Variants in AFF3 observed in about 807,000 individuals in gnomAD.
AFF3 encodes AF4/FMR2 family member 3.
AFF3 carries 32 observed loss-of-function variants against 129.7 expected under a neutral mutation model. The observed-to-expected ratio is 0.25, with a 90% CI of 0.19 to 0.33. AFF3 has a LOEUF of 0.33. AFF3 is among the 10% of genes least tolerant of loss of function. The probability of loss-of-function intolerance (pLI) is 1.00; values close to 1 mark genes in which losing one functional copy is unlikely to be tolerated. For missense variants in AFF3, 1,373 were observed against 1,592.0 expected (o/e 0.86, Z 2.34); for synonymous variants, 644 against 635.4 (o/e 1.01, Z -0.20).
chr2:99,587,777 C>T (rs182187218), intron 15 of AFF3, among the ~76,000 whole-genome samples: 2 of 151,962 alleles, frequency 1.3e-5, no homozygotes, highest in East Asian at 1.9e-4. Flanking sequence ...TTTGGGAGGC[C>T]GAGGCAGGCG....
intron 7 of AFF3, among the ~76,000 whole-genome samples, chr2:99,958,148 T>C (rs1011234712): frequency 2.0e-5 from 3 of 151,832 alleles, no homozygotes; most frequent in Non-Finnish European, 4.4e-5. Flanking sequence ...TGGGAAACCA[T>C]AGATGCAAAG....
At chr2:99,609,324 C>T (rs11895607) in intron 13 of AFF3, among the ~76,000 whole-genome samples, 4,668 of 151,940 alleles carry the variant, frequency 0.031, 219 homozygotes, top group African/African-American at 0.11. Flanking sequence ...TTTTGGTGCA[C>T]CCATCACCCT....
Position 99,966,065 on chromosome 2 carries a change from G to A in AFF3, c.873+40567C>T, listed in dbSNP as rs112756940. Among the ~76,000 whole-genome samples the A allele has an allele frequency of 9.6e-3, 1,462 of 152,164 alleles. 17 individuals carry two copies. The highest frequency in any genetic ancestry group is 0.015 in the Non-Finnish European group (1,041 of 68,006). Reference sequence around the variant, plus strand: ...TATTAAAATTATTACAATAGACAATGAAATTATTTTCTTCCAATACCAGAT... The same window carrying A: ...TATTAAAATTATTACAATAGACAATAAAATTATTTTCTTCCAATACCAGAT... On this transcript the variant is annotated intron_variant, in intron 7 of 24. Coordinates refer to ENST00000672756, the MANE Select transcript of AFF3 (RefSeq NM_001386135.1).
chr2:99,585,603 T>C lies in AFF3; in HGVS notation c.2591+1551A>G, dbSNP rs144080670. Among the ~76,000 whole-genome samples, 1,056 of 152,348 alleles carry C rather than the reference T, an allele frequency of 6.9e-3. 18 individuals carry two copies. The highest frequency in any genetic ancestry group is 0.024 in the African/African-American group (986 of 41,576). ...TGACCTCTTCATTTTCACTAACCTC[T>C]CACTGTAACAGAACATTTCCTTCAA... On this transcript the variant is annotated intron_variant, in intron 16 of 24. Transcript: ENST00000672756.
At chr2:100,083,608 G>C (rs1689192890) in intron 4 of AFF3, among the ~76,000 whole-genome samples, 1 of 152,204 alleles carries the variant, frequency 6.6e-6, no homozygotes, top group Non-Finnish European at 1.5e-5. Flanking sequence ...GCTCATAATG[G>C]AAAACGGCTG....
intron 7 of AFF3, among the ~76,000 whole-genome samples, chr2:99,966,078 T>G (rs1172511524): frequency 1.3e-5 from 2 of 152,228 alleles, no homozygotes; most frequent in Non-Finnish European, 2.9e-5. Flanking sequence ...ATTATTTTCT[T>G]CCAATACCAG....
At chr2:100,106,446 A>G (rs1866033) in intron 2 of AFF3, 322,409 of 1,017,678 alleles carry the variant, frequency 0.32, 52,089 homozygotes, top group African/African-American at 0.39. Flanking sequence ...GAAAAAAAAG[A>G]AAAAGAAAAT....
In AFF3 at chr2:99,593,995, C is replaced by G. The variant is rs771477461; in HGVS notation, c.1666G>C (p.Val556Leu). The part of the protein sequence containing the change: ...KQKSPPAAVA[V>L]AVSAAAPPPA... ...GGCGGGGCGGCTGCGCTCACCGCCA[C>G]GGCCACGGCCGCGGGCGGGGACTTC... Residue 556 changes from valine to leucine, a missense_variant, in exon 15 of 25, where the codon GTG (valine) becomes CTG (leucine). This residue lies in a region of AFF3 where 413 missense variants were observed against 424.4 expected (regional missense o/e 0.97). Transcript: ENST00000672756. 28 of 1,538,452 alleles carry G rather than the reference C, an allele frequency of 1.8e-5. No homozygotes were observed. Among genetic ancestry groups the G allele is most frequent in the South Asian group, 3.8e-5 (3 of 78,390 alleles).
At chr2:100,019,379 A>G (rs1416783349) in intron 4 of AFF3, among the ~76,000 whole-genome samples, 1 of 152,244 alleles carries the variant, frequency 6.6e-6, no homozygotes, top group African/African-American at 2.4e-5. Flanking sequence ...GCTAGAAAGA[A>G]GATAAATGGA....
rs1674633930 is a variant in AFF3, at chr2:99,682,600, C to G, written c.1092-10011G>C. Among the ~76,000 whole-genome samples the G allele has an allele frequency of 2.6e-5, 4 of 152,270 alleles. No individual in the cohort carries two copies. In the South Asian group the frequency reaches 8.3e-4, roughly 32 times the overall value. ...CACCTTTCAAGCTCCCTGGAGAAGT[C>G]CCCACACTTTCGTCAAGACTGCATA... On this transcript the variant is annotated intron_variant, in intron 11 of 24. Coordinates refer to ENST00000672756, the MANE Select transcript of AFF3 (RefSeq NM_001386135.1).
intron 1 of AFF3, among the ~76,000 whole-genome samples, chr2:100,139,538 TA>T (rs1692777395): frequency 6.6e-6 from 1 of 152,210 alleles, no homozygotes; most frequent in Admixed American, 6.5e-5. Flanking sequence ...CCCCCATTTT[TA>T]GTGCAGATAA....
chr2:99,609,681 A>C (rs1376655365), intron 13 of AFF3, among the ~76,000 whole-genome samples: 1 of 152,246 alleles, frequency 6.6e-6, no homozygotes, highest in Admixed American at 6.5e-5. Flanking sequence ...AAATAAATAC[A>C]GATTCACTGG....
At chr2:99,889,768 C>G (rs1693406770) in intron 7 of AFF3, among the ~76,000 whole-genome samples, 1 of 152,152 alleles carries the variant, frequency 6.6e-6, no homozygotes. Context: ...AAGCAATTCT[C>G]CTGCCTCAGC....
intron 13 of AFF3, among the ~76,000 whole-genome samples, chr2:99,610,028 T>C (rs1354039360): frequency 2.0e-5 from 3 of 152,214 alleles, no homozygotes; most frequent in Non-Finnish European, 4.4e-5. Flanking sequence ...ATTCTTCTTC[T>C]GGACAACGAG....
rs1332997569 is a variant in AFF3 at position 99,593,765 on chromosome 2, G to A, written c.1896C>T (p.Asn632=). 2 of 1,612,530 alleles carry A rather than the reference G, an allele frequency of 1.2e-6. No homozygotes were observed. The highest frequency in any genetic ancestry group is 1.7e-6 in the Non-Finnish European group (2 of 1,179,942). The part of the protein sequence containing the change: ...PEPTKTRPCG[N]NRASHRKELR... ...GCTCCTTGCGGTGGCTCGCTCTGTT[G>A]TTGCCACAGGGCCTGGTTTTGGTGG... Residue 632 remains asparagine, a synonymous_variant, in exon 15 of 25, where the codon AAC becomes AAT. Transcript: ENST00000672756.
chr2:100,096,163 C>T (rs1225595293), intron 4 of AFF3, among the ~76,000 whole-genome samples: 9 of 151,682 alleles, frequency 5.9e-5, no homozygotes, highest in Admixed American at 5.9e-4. Context: ...TGGGCATCCA[C>T]AGGGGTTACT....
intron 7 of AFF3, among the ~76,000 whole-genome samples, chr2:99,892,103 T>G (rs931313380): frequency 1.3e-5 from 2 of 152,242 alleles, no homozygotes; most frequent in African/African-American, 2.4e-5. Context: ...ATTACAGGCA[T>G]GAGCCACCAC....
chr2:99,708,189 C>T (rs963047373), intron 11 of AFF3, among the ~76,000 whole-genome samples: 12 of 151,926 alleles, frequency 7.9e-5, no homozygotes, highest in African/African-American at 2.7e-4. Flanking sequence ...TTTAACTGGG[C>T]GTCTTATATT....
chr2:99,718,521 C>A (rs1304397903), intron 11 of AFF3, among the ~76,000 whole-genome samples: 1 of 151,360 alleles, frequency 6.6e-6, no homozygotes, highest in East Asian at 1.9e-4. Context: ...CTTACTGATT[C>A]TAGTACTTGT....
Sources: gnomAD v4.1 joint callset for allele counts (sites outside exome capture counted in the v4.1 genomes callset) on GRCh38, gnomAD v4.1.1 for gene constraint, gnomAD v4.1.1 regional missense constraint, MANE v1.5 for transcripts, NCBI Gene and HGNC (gene_info 2026-07-23, HGNC 2026-07-21) for gene names.